ATP2C1: variants seen among roughly 807,000 people sequenced by gnomAD.
ATP2C1 encodes ATPase secretory pathway Ca2+ transporting 1, also known as calcium-transporting ATPase type 2C member 1.
In ATP2C1, 31 loss-of-function variants were observed where a neutral mutation model predicts 120.5. The observed-to-expected ratio is 0.26, with a 90% CI of 0.19 to 0.35. The LOEUF is 0.35. Ranked by LOEUF, ATP2C1 falls within the 10% of genes least tolerant of loss-of-function variation. The pLI is 1.00. For synonymous variants in ATP2C1, 351 were observed against 358.7 expected (o/e 0.98, Z 0.24); for missense variants, 731 against 1,107.5 (o/e 0.66, Z 4.83).
At chr3:131,003,170 A>G (rs72628536), downstream of ATP2C1, 3,553 of 980,686 alleles carry the variant, frequency 3.6e-3, 259 homozygotes, top group East Asian at 0.21. Context: ...AGTGGGGACT[A>G]TTAGCATTAA....
chr3:130,859,691 A>G (rs185740443), intron 1 of ATP2C1, among the ~76,000 whole-genome samples: 16 of 152,228 alleles, frequency 1.1e-4, no homozygotes, highest in Admixed American at 9.8e-4. Context: ...AGACAAGCCT[A>G]AGAGACACCT....
At position 130,975,966 on chromosome 3, in the gene ATP2C1, G is replaced by T. The variant is rs2061514453; in HGVS notation, c.1570+478G>T. ...TATATGCTGCTGACTGAGCAGTGATGGGGAGAGGGTCTGCTGGACACACAC... is the reference window on the plus strand; with the variant it reads ...TATATGCTGCTGACTGAGCAGTGATTGGGAGAGGGTCTGCTGGACACACAC... On this transcript the variant is annotated intron_variant, in intron 18 of 27. Coordinates refer to ENST00000510168, the MANE Select transcript of ATP2C1 (RefSeq NM_001378687.1). Among the ~76,000 whole-genome samples, 3 of 152,242 alleles carry T rather than the reference G, an allele frequency of 2.0e-5. No homozygotes were observed. The South Asian group carries it at 6.2e-4, about 32-fold the overall frequency.
chr3:130,897,978 C>T lies in ATP2C1; in HGVS notation c.6+3203C>T, dbSNP rs374793738. Among the ~76,000 whole-genome samples, 469 of 152,192 alleles carry T rather than the reference C, an allele frequency of 3.1e-3. 7 individuals are homozygous for T. Among genetic ancestry groups the T allele is most frequent in the South Asian group, 0.029 (139 of 4,832 alleles). On this transcript the variant is annotated intron_variant, in intron 2 of 27. Coordinates refer to ENST00000510168, the MANE Select transcript of ATP2C1 (RefSeq NM_001378687.1). ...AGATGCACAAGTAAACAGCTCTTAC[C>T]TGATTTTTAAAAGTTAATTGCATGT...
In ATP2C1 at chr3:130,894,206, C is replaced by G. The variant is rs977895985; in HGVS notation, c.-312C>G. On this transcript the variant is annotated 5_prime_UTR_variant, in exon 1 of 28. Coordinates refer to ENST00000510168, the MANE Select transcript of ATP2C1 (RefSeq NM_001378687.1). The surrounding 1 kb of genome is among the most constrained non-coding windows in gnomAD (Gnocchi z 4.5). ...CCTCCCTCCCGCTCGCTTCTTCTCA[C>G]GCCGGGAGCAGGCTCCCGCCTCGCA... 30 of 980,786 alleles carry G rather than the reference C, an allele frequency of 3.1e-5. No homozygotes were observed. The highest frequency in any genetic ancestry group is 3.6e-5 in the Non-Finnish European group (30 of 827,330). The allele number at this position is 980,786 out of a possible 1,614,324, so 60.8% of individuals were successfully genotyped here. A position where few individuals can be genotyped will look rare whatever the true frequency, so the allele number is the denominator to read the frequency against.
At chr3:130,883,388 GT>G (rs1322184677) in intron 1 of ATP2C1, among the ~76,000 whole-genome samples, 1 of 150,226 alleles carries the variant, frequency 6.7e-6, no homozygotes, top group East Asian at 1.9e-4. Flanking sequence ...CTAATTTTGA[GT>G]TTGATGTGCT....
At chr3:130,875,068 A>G (rs1165710435) in intron 1 of ATP2C1, among the ~76,000 whole-genome samples, 2 of 152,232 alleles carry the variant, frequency 1.3e-5, no homozygotes, top group African/African-American at 2.4e-5. Context: ...ATGTGTAATC[A>G]TCAAGTAAGG....
chr3:130,972,485 T>TA (rs975785287), intron 17 of ATP2C1, among the ~76,000 whole-genome samples: 6 of 151,706 alleles, frequency 4.0e-5, no homozygotes, highest in East Asian at 1.9e-4. Context: ...TTTTTTTTTT[T>TA]TATATACTTT....
Position 130,970,018 on chromosome 3 carries a change from A to G in ATP2C1, c.1413+622A>G, listed in dbSNP as rs372429647. On this transcript the variant is annotated intron_variant, in intron 17 of 27. Transcript: ENST00000510168. The stretch of plus-strand genomic sequence containing the variant: ...CAGCTTGATGATGAAACTTAACTTT[A>G]AAAAATATTGAAGCTTGGGCTGGAT... Among the ~76,000 whole-genome samples the G allele has an allele frequency of 5.4e-4, 82 of 152,290 alleles. 3 individuals are homozygous for G. In the South Asian group the frequency reaches 0.017, roughly 31 times the overall value.
chr3:130,857,022 G>A (rs994338229), intron 1 of ATP2C1, among the ~76,000 whole-genome samples: 20 of 152,186 alleles, frequency 1.3e-4, no homozygotes, highest in South Asian at 2.1e-4. Context: ...TCCTGTGGAG[G>A]AATTTGTATA....
In ATP2C1 at chr3:130,968,388, C is replaced by T. The variant is rs140424359; in HGVS notation, c.1309-904C>T. Among the ~76,000 whole-genome samples, 538 of 152,226 alleles carry T rather than the reference C, an allele frequency of 3.5e-3. 7 individuals are homozygous for T. The East Asian group carries it at 0.042, about 12-fold the overall frequency. The stretch of plus-strand genomic sequence containing the variant: ...ATATTGACATTCTTGAGACAAAAGG[C>T]AGTCCAAGACAGCAGACACTGAAAT... On this transcript the variant is annotated intron_variant, in intron 16 of 27. Coordinates refer to ENST00000510168, the MANE Select transcript of ATP2C1 (RefSeq NM_001378687.1).
chr3:130,923,856 C>T (rs1298850987), intron 2 of ATP2C1, among the ~76,000 whole-genome samples: 3 of 134,380 alleles, frequency 2.2e-5, no homozygotes. Flanking sequence ...TGAAGTGAGA[C>T]TCTGTCTCAA....
Position 130,894,166 on chromosome 3 carries a change from C to CCCCAA in ATP2C1, c.-352_-351insCCCAA. 1 of 863,300 alleles carries CCCCAA rather than the reference C, an allele frequency of 1.2e-6. No individual in the cohort carries two copies. The highest frequency in any genetic ancestry group is 1.4e-6 in the Non-Finnish European group (1 of 718,544). 53.5% of individuals were successfully genotyped at this position (863,300 alleles called of 1,614,324 possible). On this transcript the variant is annotated 5_prime_UTR_variant, in exon 1 of 28. Transcript: ENST00000510168. The surrounding 1 kb of genome is among the most constrained non-coding windows in gnomAD (Gnocchi z 4.5). ...CTCTTCTCTCCCCTCCCCGCCCGCC[C>CCCCAA]TCTCTCCCTCCCTTCCTCCCTCCCG...
intron 2 of ATP2C1, chr3:130,918,816 C>T: frequency 2.9e-6 from 1 of 342,634 alleles, no homozygotes; most frequent in South Asian, 2.5e-5. Context: ...ATGGTGAAAC[C>T]CGGTCTCTAC....
At chr3:131,004,990 G>T (rs2063047619), downstream of ATP2C1, among the ~76,000 whole-genome samples, 2 of 152,066 alleles carry the variant, frequency 1.3e-5, no homozygotes, top group Admixed American at 1.3e-4. Flanking sequence ...AAGCACAGAG[G>T]GTCAATTGTG....
At chr3:130,996,912 A>G (rs2062647714) in intron 24 of ATP2C1, 116 bp downstream of exon 24, 1 of 787,396 alleles carries the variant, frequency 1.3e-6, no homozygotes, top group Admixed American at 1.8e-5. Flanking sequence ...CAAATGTTTT[A>G]ACATTTATGT....
At chr3:130,885,963 C>T (rs1439976540) in intron 1 of ATP2C1, among the ~76,000 whole-genome samples, 4 of 152,086 alleles carry the variant, frequency 2.6e-5, no homozygotes, top group Non-Finnish European at 5.9e-5. Flanking sequence ...TCTTATTGCT[C>T]ATTAACATCT....
Position 131,002,082 on chromosome 3 carries a change from A to T in ATP2C1, c.*732A>T. The T allele has an allele frequency of 1.0e-6, 1 of 985,592 alleles. No individual in the cohort carries two copies. Among genetic ancestry groups the T allele is most frequent in the Non-Finnish European group, 1.2e-6 (1 of 829,882 alleles). The allele number at this position is 985,592 out of a possible 1,614,324, so 61.1% of individuals were successfully genotyped here. On this transcript the variant is annotated 3_prime_UTR_variant, in exon 28 of 28. Transcript: ENST00000510168. ...ATGCAGGGCTATCAAGTGGTGTTCT[A>T]GGGTAACAGTGTCCATAATTAACGC... is the stretch of plus-strand genomic sequence containing the variant.
chr3:130,973,341 C>A (rs114077137), intron 17 of ATP2C1, among the ~76,000 whole-genome samples: 1 of 152,014 alleles, frequency 6.6e-6, no homozygotes, highest in South Asian at 2.1e-4. Flanking sequence ...AGGGAGAATT[C>A]GAAGAGCTTC....
chr3:130,850,867 A>G (rs750960610), exon 1 of ATP2C1: 12 of 1,448,890 alleles, frequency 8.3e-6, no homozygotes, highest in Admixed American at 2.4e-5. Flanking sequence ...TTCAAAAAAT[A>G]TCCTCTCCAT....
Sources: gnomAD v4.1 joint callset for allele counts (sites outside exome capture counted in the v4.1 genomes callset) on GRCh38, gnomAD v4.1.1 for gene constraint, Gnocchi (gnomAD v3.1) non-coding constraint, MANE v1.5 for transcripts, NCBI Gene and HGNC (gene_info 2026-07-23, HGNC 2026-07-21) for gene names.